The following SLC25A21 variants were observed in gnomAD, a reference collection of about 807,000 sequenced individuals.
SLC25A21 encodes the protein solute carrier family 25 member 21, also known as mitochondrial 2-oxodicarboxylate carrier.
A neutral mutation model predicts 43.8 loss-of-function variants in SLC25A21; 47 were observed. That is an observed-to-expected ratio of 1.07 (90% confidence interval 0.85 to 1.37). SLC25A21 has a LOEUF of 1.37. Among genes scored for constraint, SLC25A21 ranks in the 40% most tolerant of loss-of-function variants. The pLI is 0.00. For missense variants in SLC25A21, 352 were observed against 350.2 expected, an observed-to-expected ratio of 1.00 and a Z score of -0.04; for synonymous variants, 131 against 121.3, an observed-to-expected ratio of 1.08 and a Z score of -0.52.
At chr14:36,756,095 C>T (rs1195028882) in intron 3 of SLC25A21, among the ~76,000 whole-genome samples, 1 of 152,186 alleles carries the variant, frequency 6.6e-6, no homozygotes, top group Non-Finnish European at 1.5e-5. Context: ...TTCCCTCAGA[C>T]TGGCACACCA....
At chr14:36,905,877 T>C (rs925041589) in intron 1 of SLC25A21, among the ~76,000 whole-genome samples, 21 of 152,116 alleles carry the variant, frequency 1.4e-4, no homozygotes, top group African/African-American at 5.1e-4. Flanking sequence ...ATGGCTCAAG[T>C]TATATACAAA....
intron 1 of SLC25A21, among the ~76,000 whole-genome samples, chr14:37,082,555 C>T (rs990254998): frequency 8.5e-5 from 13 of 152,146 alleles, no homozygotes; most frequent in Admixed American, 2.0e-4. Flanking sequence ...GTGATAATAC[C>T]TGATGGTTAT....
At chr14:36,975,110 G>A (rs969671860) in intron 1 of SLC25A21, among the ~76,000 whole-genome samples, 1 of 152,180 alleles carries the variant, frequency 6.6e-6, no homozygotes, top group Non-Finnish European at 1.5e-5. Context: ...GAAGCTTCCT[G>A]GAACCCTTGA....
At chr14:36,999,660 T>C (rs1202513672) in intron 1 of SLC25A21, among the ~76,000 whole-genome samples, 1 of 152,150 alleles carries the variant, frequency 6.6e-6, no homozygotes, top group Non-Finnish European at 1.5e-5. Flanking sequence ...AATTTTGCTG[T>C]GAACCTAAAA....
intron 1 of SLC25A21, among the ~76,000 whole-genome samples, chr14:36,888,391 G>C (rs192257636): frequency 3.3e-5 from 5 of 151,854 alleles, no homozygotes; most frequent in Non-Finnish European, 5.9e-5. Flanking sequence ...AAAACCAACC[G>C]ACTTGCCAAC....
rs10606711 is a variant in SLC25A21 at position 36,867,790 on chromosome 14, CGTGTGT to C, written c.119+7160_119+7165del. Among the ~76,000 whole-genome samples, 898 of 146,166 alleles carry C rather than the reference CGTGTGT, an allele frequency of 6.1e-3. 2 individuals are homozygous for C. The highest frequency in any genetic ancestry group is 0.015 in the African/African-American group (590 of 39,738). On this transcript the variant is annotated intron_variant, in intron 2 of 9. Transcript: ENST00000331299. Reference sequence around the variant, plus strand: ...AAACCAGGATTAAACACCATGCTTTCGTGTGTGTGTGTGTGTGTGTGTGTGTGTGTG... The same window carrying C: ...AAACCAGGATTAAACACCATGCTTTCGTGTGTGTGTGTGTGTGTGTGTGTG...
intron 1 of SLC25A21, among the ~76,000 whole-genome samples, chr14:37,135,754 A>C (rs1963469861): frequency 6.6e-6 from 1 of 152,176 alleles, no homozygotes; most frequent in African/African-American, 2.4e-5. Flanking sequence ...CTTTCGTGAG[A>C]GCTCTGAAGC....
At chr14:36,776,546 C>T (rs1321739323) in intron 3 of SLC25A21, among the ~76,000 whole-genome samples, 1 of 151,960 alleles carries the variant, frequency 6.6e-6, no homozygotes, top group Non-Finnish European at 1.5e-5. Flanking sequence ...CCGGCCCCAA[C>T]TGCTTTCTTT....
intron 1 of SLC25A21, among the ~76,000 whole-genome samples, chr14:37,062,125 G>A (rs1160043079): frequency 6.6e-6 from 1 of 152,192 alleles, no homozygotes; most frequent in African/African-American, 2.4e-5. Flanking sequence ...GTAAACAGAA[G>A]AGAAGTAATA....
chr14:36,723,362 T>A (rs1187788415), intron 6 of SLC25A21, among the ~76,000 whole-genome samples: 1 of 152,242 alleles, frequency 6.6e-6, no homozygotes, highest in Non-Finnish European at 1.5e-5. Context: ...TGTAAATAAA[T>A]GCTGATGCAT....
At position 37,172,553 on chromosome 14, in the gene SLC25A21, T is replaced by G. The variant is rs1184692915; in HGVS notation, c.-203A>C. Reference sequence around the variant, plus strand: ...CGATCTCCGGCGCGTCGGAACCTGTTCGCAGCGCTCTCGCAGAGGCGCCCT... The same window carrying G: ...CGATCTCCGGCGCGTCGGAACCTGTGCGCAGCGCTCTCGCAGAGGCGCCCT... On this transcript the variant is annotated 5_prime_UTR_variant, in exon 1 of 10. Coordinates refer to ENST00000331299, the MANE Select transcript of SLC25A21 (RefSeq NM_030631.4). 1.4e-6 allele frequency: 1 copy of G among 714,086 alleles called. No individual in the cohort carries two copies. The highest frequency in any genetic ancestry group is 1.5e-5 in the South Asian group (1 of 66,980). The allele number at this position is 714,086 out of a possible 1,614,324, so 44.2% of individuals were successfully genotyped here.
intron 2 of SLC25A21, among the ~76,000 whole-genome samples, chr14:36,865,464 CT>C (rs1232190646): frequency 6.6e-6 from 1 of 152,132 alleles, no homozygotes; most frequent in Non-Finnish European, 1.5e-5. Context: ...TTCCATATCA[CT>C]CTCAAAAACC....
chr14:36,866,753 T>C (rs2096771567), intron 2 of SLC25A21, among the ~76,000 whole-genome samples: 1 of 152,202 alleles, frequency 6.6e-6, no homozygotes, highest in African/African-American at 2.4e-5. Context: ...CTATGGAGCA[T>C]TTGAAATGTG....
intron 1 of SLC25A21, among the ~76,000 whole-genome samples, chr14:36,944,476 G>A (rs1336820289): frequency 6.6e-6 from 1 of 152,038 alleles, no homozygotes; most frequent in Non-Finnish European, 1.5e-5. Flanking sequence ...ACCATGCTGG[G>A]GGAGGAAACA....
intron 3 of SLC25A21, among the ~76,000 whole-genome samples, chr14:36,810,394 C>T (rs1406537609): frequency 6.6e-6 from 1 of 152,186 alleles, no homozygotes; most frequent in African/African-American, 2.4e-5. Flanking sequence ...GCTTACAGAT[C>T]TCAGTAATGC....
chr14:36,722,845 A>C (rs1159552774), intron 6 of SLC25A21, among the ~76,000 whole-genome samples: 1 of 152,160 alleles, frequency 6.6e-6, no homozygotes, highest in Non-Finnish European at 1.5e-5. Flanking sequence ...AATTTTTTTA[A>C]GTCAAATCTT....
chr14:37,132,860 A>C (rs1019051717), intron 1 of SLC25A21, among the ~76,000 whole-genome samples: 7 of 151,774 alleles, frequency 4.6e-5, no homozygotes, highest in African/African-American at 1.7e-4. Context: ...CCTCCCGACT[A>C]ACTGGGACTA....
At chr14:36,776,971 A>C (rs1886858832) in intron 3 of SLC25A21, among the ~76,000 whole-genome samples, 1 of 152,022 alleles carries the variant, frequency 6.6e-6, no homozygotes, top group Non-Finnish European at 1.5e-5. Context: ...CATAAAACCT[A>C]GCTTAAGGCT....
At chr14:36,779,307 A>G (rs1886949625) in intron 3 of SLC25A21, among the ~76,000 whole-genome samples, 1 of 146,098 alleles carries the variant, frequency 6.8e-6, no homozygotes, top group South Asian at 2.1e-4. Flanking sequence ...TACATATTAC[A>G]TATTCTTATA....
Sources: gnomAD v4.1 joint callset for allele counts (sites outside exome capture counted in the v4.1 genomes callset) on GRCh38, gnomAD v4.1.1 for gene constraint, MANE v1.5 for transcripts, NCBI Gene and HGNC (gene_info 2026-07-23, HGNC 2026-07-21) for gene names.